Variants in LIMS1 observed in about 807,000 individuals in gnomAD.
The protein encoded by LIMS1 is LIM and senescent cell antigen-like-containing domain protein 1.
In LIMS1, 18 loss-of-function variants were observed where a neutral mutation model predicts 44.1. That is an observed-to-expected ratio of 0.41 (90% CI 0.28 to 0.61). The LOEUF is 0.61. Among genes scored for constraint, LIMS1 ranks in the 20% least tolerant of loss-of-function variants. The probability of loss-of-function intolerance (pLI) is 0.32; values close to 1 mark genes in which losing one functional copy is unlikely to be tolerated. For synonymous variants in LIMS1, 93 were observed against 149.1 expected (o/e 0.62, Z 2.74); for missense variants, 201 against 422.0 (o/e 0.48, Z 4.59).
At chr2:108,544,799 T>C (rs1290335843) in intron 1 of LIMS1, among the ~76,000 whole-genome samples, 1 of 152,188 alleles carries the variant, frequency 6.6e-6, no homozygotes, top group Non-Finnish European at 1.5e-5. Context: ...TGGGCCAGCC[T>C]CAATAATTAT....
At chr2:108,606,645 G>A (rs113062106) in intron 1 of LIMS1, among the ~76,000 whole-genome samples, 339 of 152,294 alleles carry the variant, frequency 2.2e-3, no homozygotes, top group Non-Finnish European at 3.7e-3. Context: ...AGCAACCAAC[G>A]TATAAACAAC....
At chr2:108,633,370 A>G (rs993426425) in intron 1 of LIMS1, among the ~76,000 whole-genome samples, 1 of 152,184 alleles carries the variant, frequency 6.6e-6, no homozygotes, top group African/African-American at 2.4e-5. Flanking sequence ...TAAATTATTG[A>G]CTTTTTATAC....
At chr2:108,669,463 G>A (rs826684) in intron 2 of LIMS1, among the ~76,000 whole-genome samples, 126,049 of 152,074 alleles carry the variant, frequency 0.83, 52,665 homozygotes, top group East Asian at 0.99. Context: ...TTCAACAGTA[G>A]GAACTGACTT....
At chr2:108,538,390 G>A (rs1684210581) in intron 1 of LIMS1, among the ~76,000 whole-genome samples, 2 of 152,200 alleles carry the variant, frequency 1.3e-5, no homozygotes, top group African/African-American at 4.8e-5. Flanking sequence ...TGAGTCTTCA[G>A]TGACATTTAA....
chr2:108,669,914 G>A (rs189484967), intron 2 of LIMS1, among the ~76,000 whole-genome samples: 6 of 152,156 alleles, frequency 3.9e-5, no homozygotes, highest in Admixed American at 6.5e-5. Context: ...ATTAATATTT[G>A]TGTCTTGCTT....
intron 1 of LIMS1, among the ~76,000 whole-genome samples, chr2:108,628,752 A>T (rs1008263162): frequency 6.6e-6 from 1 of 152,204 alleles, no homozygotes; most frequent in East Asian, 1.9e-4. Context: ...GGCGTGAGCC[A>T]CCGCACCCAG....
intron 1 of LIMS1, among the ~76,000 whole-genome samples, chr2:108,644,071 G>A (rs1011902801): frequency 6.6e-6 from 1 of 152,178 alleles, no homozygotes; most frequent in Non-Finnish European, 1.5e-5. Flanking sequence ...CTTAGGGGAA[G>A]GGGTGGTTGT....
chr2:108,681,046 G>A (rs1269759391), intron 9 of LIMS1: 20 of 1,287,232 alleles, frequency 1.6e-5, no homozygotes, highest in African/African-American at 3.1e-5. Flanking sequence ...TTTAAGAGGC[G>A]ACTTGCCAAA....
chr2:108,631,016 G>T (rs1157614494), intron 1 of LIMS1, among the ~76,000 whole-genome samples: 1 of 152,192 alleles, frequency 6.6e-6, no homozygotes, highest in East Asian at 1.9e-4. Context: ...GGATGGAATT[G>T]TTTGATTTTT....
chr2:108,557,265 C>T (rs920600088), intron 1 of LIMS1, among the ~76,000 whole-genome samples: 19 of 151,982 alleles, frequency 1.3e-4, no homozygotes, highest in African/African-American at 3.1e-4. Flanking sequence ...TTTGTAGAGA[C>T]GGTGTCTCTC....
chr2:108,567,905 G>GGAA (rs1334531712), intron 1 of LIMS1, among the ~76,000 whole-genome samples: 1 of 152,138 alleles, frequency 6.6e-6, no homozygotes, highest in Non-Finnish European at 1.5e-5. Flanking sequence ...CAAATAACGT[G>GGAA]GTGGCAGGAG....
chr2:108,583,158 G>A (rs1685952794), intron 1 of LIMS1, among the ~76,000 whole-genome samples: 1 of 151,496 alleles, frequency 6.6e-6, no homozygotes, highest in African/African-American at 2.4e-5. Flanking sequence ...TCAGCCTCAT[G>A]AGTAGCTGGG....
intron 2 of LIMS1, among the ~76,000 whole-genome samples, chr2:108,668,502 G>A (rs1386287105): frequency 1.3e-5 from 2 of 152,110 alleles, no homozygotes; most frequent in Admixed American, 6.6e-5. Context: ...TTAATGTAAT[G>A]TCCTACAGGT....
chr2:108,553,903 C>A (rs775978968), intron 1 of LIMS1, among the ~76,000 whole-genome samples: 1 of 152,150 alleles, frequency 6.6e-6, no homozygotes, highest in Admixed American at 6.5e-5. Flanking sequence ...CGGAGAACTT[C>A]GAATGATAGG....
chr2:108,661,764 G>C (rs826676), intron 2 of LIMS1, among the ~76,000 whole-genome samples: 150,870 of 152,256 alleles, frequency 0.99, 74,770 homozygotes, highest in East Asian at 1. Flanking sequence ...GGAGGCCTGC[G>C]GGGACTATGG....
chr2:108,551,931 G>GTA (rs1684748035), intron 1 of LIMS1, among the ~76,000 whole-genome samples: 2 of 123,142 alleles, frequency 1.6e-5, no homozygotes, highest in Admixed American at 8.4e-5. Context: ...GTGTATATAT[G>GTA]TGTGTGTGTG....
chr2:108,662,889 C>G, intron 2 of LIMS1: 1 of 376,098 alleles, frequency 2.7e-6, no homozygotes, highest in Non-Finnish European at 3.7e-6. Flanking sequence ...CTCTAGAAGA[C>G]TAGTTAGGGA....
chr2:108,629,851 T>C (rs750694444), intron 1 of LIMS1, among the ~76,000 whole-genome samples: 1 of 152,154 alleles, frequency 6.6e-6, no homozygotes, highest in Non-Finnish European at 1.5e-5. Flanking sequence ...CCTTCCTTTG[T>C]CCCATGGCAG....
At chr2:108,534,708 C>G (rs1471015090) in intron 1 of LIMS1, 114 bp downstream of exon 1, 1 of 545,282 alleles carries the variant, frequency 1.8e-6, no homozygotes, top group Non-Finnish European at 2.3e-6. Flanking sequence ...TCCCCGCGGC[C>G]TCCCCCGGTC....
Sources: gnomAD v4.1 joint callset for allele counts (sites outside exome capture counted in the v4.1 genomes callset) on GRCh38, gnomAD v4.1.1 for gene constraint, MANE v1.5 for transcripts, NCBI Gene and HGNC (gene_info 2026-07-23, HGNC 2026-07-21) for gene names.